BBS9: variants seen among roughly 807,000 people sequenced by gnomAD.
BBS9 encodes Bardet-Biedl syndrome 9, also known as protein PTHB1.
Under a neutral mutation model 117.7 loss-of-function variants are expected in BBS9, and 89 were observed. The ratio of observed to expected loss-of-function variants is 0.76; its 90% CI spans 0.64 to 0.90. The LOEUF (loss-of-function observed/expected upper bound fraction) is 0.90, where lower values mean the gene tolerates loss of function less well. BBS9 is among the 40% of genes least tolerant of loss of function. The pLI is 0.00. For missense variants in BBS9, 982 were observed against 1,042.2 expected (o/e 0.94, Z 0.80); for synonymous variants, 379 against 370.9 (o/e 1.02, Z -0.25).
intron 5 of BBS9, among the ~76,000 whole-genome samples, chr7:33,235,431 A>G (rs921782768): frequency 5.3e-5 from 8 of 152,288 alleles, no homozygotes; most frequent in African/African-American, 1.7e-4. Flanking sequence ...ACTTGGGAGT[A>G]GAGTTTTCTT....
intron 7 of BBS9, among the ~76,000 whole-genome samples, chr7:33,265,861 A>T (rs1356417452): frequency 6.6e-6 from 1 of 151,886 alleles, no homozygotes; most frequent in East Asian, 1.9e-4. Flanking sequence ...AAAAGTTGTT[A>T]TAAGATAAAT....
At chr7:33,585,972 A>G (rs1468458542) in intron 21 of BBS9, among the ~76,000 whole-genome samples, 1 of 152,030 alleles carries the variant, frequency 6.6e-6, no homozygotes, top group Non-Finnish European at 1.5e-5. Flanking sequence ...TTTATCATTT[A>G]TTATAATAAC....
At chr7:33,315,883 A>G (rs895325531) in intron 9 of BBS9, among the ~76,000 whole-genome samples, 7 of 152,202 alleles carry the variant, frequency 4.6e-5, no homozygotes, top group African/African-American at 1.7e-4. Flanking sequence ...TGCACACAGC[A>G]CTAAGCTTAA....
At chr7:33,233,559 A>G (rs1245084289) in intron 5 of BBS9, among the ~76,000 whole-genome samples, 9 of 152,176 alleles carry the variant, frequency 5.9e-5, no homozygotes, top group Non-Finnish European at 5.9e-5. Flanking sequence ...GTTTTCTGTC[A>G]TATCAAGCAT....
chr7:33,462,259 G>C lies in BBS9; in HGVS notation c.2116-43204G>C, dbSNP rs151267351. Among the ~76,000 whole-genome samples the C allele has an allele frequency of 3.0e-3, 464 of 152,146 alleles. 4 individuals carry two copies. The highest frequency in any genetic ancestry group is 0.011 in the African/African-American group (447 of 41,536). Reference sequence around the variant, plus strand: ...CAAATTTGGATCATTAGCCATGACTGTCTTTTGTATCCCAGATATATTTAC... The same window carrying C: ...CAAATTTGGATCATTAGCCATGACTCTCTTTTGTATCCCAGATATATTTAC... On this transcript the variant is annotated intron_variant, in intron 19 of 22. Transcript: ENST00000242067.
chr7:33,286,016 C>T (rs1802818147), intron 9 of BBS9, among the ~76,000 whole-genome samples: 1 of 151,986 alleles, frequency 6.6e-6, no homozygotes, highest in Non-Finnish European at 1.5e-5. Flanking sequence ...CATAGTAAGT[C>T]TATTTAATTT....
chr7:33,230,731 A>T (rs1010283149), intron 5 of BBS9, among the ~76,000 whole-genome samples: 1 of 152,156 alleles, frequency 6.6e-6, no homozygotes. Flanking sequence ...TTTCCAATGA[A>T]GTTGCTGCAA....
In BBS9 at chr7:33,403,606, A is replaced by G. The variant is rs1389017796; in HGVS notation, c.2115+15462A>G. 7.3e-5 allele frequency among the ~76,000 whole-genome samples: 11 copies of G among 151,182 alleles called. No homozygotes were observed. The East Asian group carries it at 2.0e-3, about 27-fold the overall frequency. ...TTGCGATAGTTTACTGAGAATGATG[A>G]TTTCCAATTTCATCCATGTCCCTAC... On this transcript the variant is annotated intron_variant, in intron 19 of 22. Transcript: ENST00000242067.
chr7:33,516,857 C>T (rs372994883), intron 20 of BBS9, among the ~76,000 whole-genome samples: 108 of 152,194 alleles, frequency 7.1e-4, no homozygotes, highest in African/African-American at 2.3e-3. Context: ...TTGTGAGAAC[C>T]GAATGAACAC....
chr7:33,457,443 A>C (rs1408006499), intron 19 of BBS9, among the ~76,000 whole-genome samples: 2 of 152,154 alleles, frequency 1.3e-5, no homozygotes, highest in East Asian at 3.9e-4. Flanking sequence ...CTCTGTACCA[A>C]AGAAAAAGGA....
intron 1 of BBS9, among the ~76,000 whole-genome samples, chr7:33,134,134 C>A (rs1790065782): frequency 6.6e-6 from 1 of 152,032 alleles, no homozygotes; most frequent in Non-Finnish European, 1.5e-5. Flanking sequence ...CACTGCAACC[C>A]CTGCCTCCAG....
intron 21 of BBS9, among the ~76,000 whole-genome samples, chr7:33,552,993 C>G (rs1306286600): frequency 1.3e-5 from 2 of 152,090 alleles, no homozygotes; most frequent in African/African-American, 4.8e-5. Context: ...TTCTACTCAC[C>G]AAGCGTTTTC....
rs573671526 is a variant in BBS9 at position 33,360,690 on chromosome 7, A to C, written c.1693+2695A>C. On this transcript the variant is annotated intron_variant, in intron 16 of 22. Transcript: ENST00000242067. ...CATATACCACCATGCCTAGCTAATT[A>C]AAAAAAAATTATTTTGTAGAGATAG... Among the ~76,000 whole-genome samples the C allele has an allele frequency of 2.6e-5, 4 of 151,036 alleles. No individual in the cohort carries two copies. In the East Asian group the frequency reaches 7.8e-4, roughly 29 times the overall value.
At chr7:33,516,556 A>G (rs889876972) in intron 20 of BBS9, among the ~76,000 whole-genome samples, 1 of 151,520 alleles carries the variant, frequency 6.6e-6, no homozygotes, top group Admixed American at 6.6e-5. Flanking sequence ...AGAAATTATC[A>G]CTGTAGTCTT....
chr7:33,207,034 A>G (rs149901928), intron 5 of BBS9, among the ~76,000 whole-genome samples: 1 of 152,188 alleles, frequency 6.6e-6, no homozygotes, highest in African/African-American at 2.4e-5. Flanking sequence ...TTGTTGTCCA[A>G]AATCCTGTCA....
intron 2 of BBS9, among the ~76,000 whole-genome samples, chr7:33,149,679 T>C (rs1272167941): frequency 6.6e-6 from 1 of 152,226 alleles, no homozygotes; most frequent in Non-Finnish European, 1.5e-5. Flanking sequence ...GACTAATGGC[T>C]TTTCATTTAA....
chr7:33,218,695 A>G (rs879821289), intron 5 of BBS9, among the ~76,000 whole-genome samples: 1 of 152,268 alleles, frequency 6.6e-6, no homozygotes, highest in Non-Finnish European at 1.5e-5. Context: ...AAAGAAACCA[A>G]TATAAGAAAC....
chr7:33,576,432 T>C (rs1858880039), intron 21 of BBS9, among the ~76,000 whole-genome samples: 1 of 152,054 alleles, frequency 6.6e-6, no homozygotes, highest in African/African-American at 2.4e-5. Flanking sequence ...GAAGAACATT[T>C]CATGCTCATG....
intron 21 of BBS9, among the ~76,000 whole-genome samples, chr7:33,546,934 A>G (rs1003878462): frequency 4.6e-5 from 7 of 152,168 alleles, no homozygotes; most frequent in Admixed American, 3.3e-4. Context: ...ATTGTATTCT[A>G]TTCTTCTTTA....
Sources: allele counts gnomAD v4.1 joint callset (sites outside exome capture counted in the v4.1 genomes callset), GRCh38; gene constraint gnomAD v4.1.1; transcripts MANE v1.5; gene names NCBI Gene and HGNC (gene_info 2026-07-23, HGNC 2026-07-21).